CRYBG1: variants seen among roughly 807,000 people sequenced by gnomAD.
The protein encoded by CRYBG1 is beta/gamma crystallin domain-containing protein 1.
CRYBG1 carries 139 observed loss-of-function variants against 189.2 expected under a neutral mutation model. The ratio of observed to expected loss-of-function variants is 0.73; its 90% CI spans 0.64 to 0.85. CRYBG1 has a LOEUF of 0.85. Among genes scored for constraint, CRYBG1 ranks in the 40% least tolerant of loss-of-function variants. The pLI, the probability that CRYBG1 is intolerant of heterozygous loss-of-function variation, is 0.00. For missense variants in CRYBG1, 2,611 were observed against 2,675.8 expected, an observed-to-expected ratio of 0.98 and a Z score of 0.53; for synonymous variants, 1,023 against 1,017.1, an observed-to-expected ratio of 1.01 and a Z score of -0.11.
chr6:106,416,304 T>C (rs986504), intron 1 of CRYBG1, among the ~76,000 whole-genome samples: 98,658 of 152,102 alleles, frequency 0.65, 32,136 homozygotes, highest in South Asian at 0.77. Context: ...TTCTTGCAGG[T>C]ATTCCTAATT....
At chr6:106,433,043 G>A (rs549206402) in intron 1 of CRYBG1, among the ~76,000 whole-genome samples, 1 of 151,926 alleles carries the variant, frequency 6.6e-6, no homozygotes, top group African/African-American at 2.4e-5. Context: ...GTTTCACGAT[G>A]TTAGTCAGGC....
At chr6:106,445,374 A>G (rs1771647268) in intron 1 of CRYBG1, among the ~76,000 whole-genome samples, 1 of 152,206 alleles carries the variant, frequency 6.6e-6, no homozygotes, top group South Asian at 2.1e-4. Context: ...GACTTTGAAC[A>G]ATGAATATCT....
chr6:106,409,123 C>A (rs1045386465), intron 1 of CRYBG1, among the ~76,000 whole-genome samples: 1 of 152,114 alleles, frequency 6.6e-6, no homozygotes, highest in Non-Finnish European at 1.5e-5. Context: ...TTTAGAAAAC[C>A]CCATTGTCTC....
At chr6:106,551,708 T>TCC in intron 13 of CRYBG1, 144 bp from the exon 14 acceptor site, 2 of 884,236 alleles carry the variant, frequency 2.3e-6, no homozygotes, top group Non-Finnish European at 3.5e-6. Context: ...CATCTGCTTC[T>TCC]AAAGGTTAAT....
intron 8 of CRYBG1, among the ~76,000 whole-genome samples, chr6:106,532,611 G>A (rs1773902930): frequency 6.6e-6 from 1 of 152,226 alleles, no homozygotes; most frequent in African/African-American, 2.4e-5. Flanking sequence ...TAACTGGAGT[G>A]AGGTGGTATC....
chr6:106,555,793 T>A lies in CRYBG1; in HGVS notation c.5611T>A (p.Phe1871Ile). ...GSWVVYDGEN[F>I]TGNQYVLEEG... ...CTGGGTTGTATATGATGGAGAAAAT[T>A]TCACTGGTAATCAATACGTGTTGGA... The change falls in exon 17 of 22, where the codon TTC (phenylalanine) becomes ATC (isoleucine). Residue 1871 changes from phenylalanine (F) to isoleucine (I), a missense_variant. Phe to Ile is a conservative substitution (Grantham distance 21, BLOSUM62 0). Coordinates refer to ENST00000633556, the MANE Select transcript of CRYBG1 (RefSeq NM_001371242.2). The A allele has an allele frequency of 6.2e-7, 1 of 1,614,184 alleles. No individual in the cohort carries two copies.
At chr6:106,480,378 T>C (rs1160552126) in intron 2 of CRYBG1, among the ~76,000 whole-genome samples, 2 of 151,720 alleles carry the variant, frequency 1.3e-5, no homozygotes. Context: ...TTAAAAGAAA[T>C]TGTGGGCCGG....
intron 2 of CRYBG1, among the ~76,000 whole-genome samples, chr6:106,489,218 G>A (rs1772660915): frequency 6.6e-6 from 1 of 152,150 alleles, no homozygotes; most frequent in East Asian, 1.9e-4. Context: ...GTGATCCACA[G>A]GGGTTTTGTG....
chr6:106,536,158 A>G (rs1474206455), intron 8 of CRYBG1, among the ~76,000 whole-genome samples: 1 of 152,184 alleles, frequency 6.6e-6, no homozygotes, highest in Non-Finnish European at 1.5e-5. Flanking sequence ...GCTACTATTT[A>G]GCATGTTCTT....
chr6:106,395,715 C>T (rs1199390266), intron 1 of CRYBG1, among the ~76,000 whole-genome samples: 1 of 151,832 alleles, frequency 6.6e-6, no homozygotes, highest in East Asian at 1.9e-4. Context: ...TGAAGGAGTC[C>T]CATCTATTTG....
In CRYBG1 at chr6:106,451,002, G is replaced by A. The variant is rs184989324; in HGVS notation, c.174-692G>A. Reference sequence around the variant, plus strand: ...TGGACACCAGGGTTAGAGCAATCCCGACTGACTACTGGGGCTGGGAGCAGC... The same window carrying A: ...TGGACACCAGGGTTAGAGCAATCCCAACTGACTACTGGGGCTGGGAGCAGC... On this transcript the variant is annotated intron_variant, in intron 1 of 21. Transcript: ENST00000633556. 2.6e-4 allele frequency among the ~76,000 whole-genome samples: 39 copies of A among 152,300 alleles called. No homozygotes were observed. The East Asian group carries it at 4.6e-3, about 18-fold the overall frequency.
Position 106,548,982 on chromosome 6 carries a change from G to A in CRYBG1, c.5313-2870G>A, listed in dbSNP as rs1774334517. ...TTGTTCAATTCCCACCTATGAGTGA[G>A]AACATGCGGTGTTTGGTTTTTTGTC... On this transcript the variant is annotated intron_variant, in intron 13 of 21. Transcript: ENST00000633556. 2.7e-5 allele frequency among the ~76,000 whole-genome samples: 4 copies of A among 147,144 alleles called. No individual in the cohort carries two copies. The Admixed American group carries it at 2.8e-4, about 10-fold the overall frequency.
intron 2 of CRYBG1, among the ~76,000 whole-genome samples, chr6:106,504,547 A>G (rs766139584): frequency 2.6e-5 from 4 of 152,154 alleles, no homozygotes; most frequent in Non-Finnish European, 5.9e-5. Flanking sequence ...ATCATATATA[A>G]TAGAAAATAT....
In CRYBG1 at chr6:106,513,058, C is replaced by G; in HGVS notation, c.1922+19C>G. The G allele has an allele frequency of 6.3e-7, 1 of 1,589,766 alleles. No individual in the cohort carries two copies. On this transcript the variant is annotated intron_variant, in intron 3 of 21. Transcript: ENST00000633556. The stretch of plus-strand genomic sequence containing the variant: ...TGACCCTGTAAGTAGCCGCGCAAGT[C>G]CCGGCCGAGTTGCTGTCCGCACACG...
intron 2 of CRYBG1, among the ~76,000 whole-genome samples, chr6:106,472,129 T>C (rs1772244677): frequency 6.6e-6 from 1 of 152,238 alleles, no homozygotes. Context: ...TTCTGCTTTA[T>C]GTTTTTAATC....
chr6:106,526,154 T>C (rs1322184016), intron 6 of CRYBG1, among the ~76,000 whole-genome samples: 1 of 152,224 alleles, frequency 6.6e-6, no homozygotes, highest in African/African-American at 2.4e-5. Context: ...AGGGTAGACC[T>C]CTGAATGTTT....
At chr6:106,486,420 T>C (rs2114487243) in intron 2 of CRYBG1, among the ~76,000 whole-genome samples, 1 of 152,292 alleles carries the variant, frequency 6.6e-6, no homozygotes, top group Middle Eastern at 3.4e-3. Context: ...ATGTGTATTT[T>C]GCAGCTATTG....
At chr6:106,552,355 G>A (rs1018671781) in intron 15 of CRYBG1, 139 bp downstream of exon 15, 1 of 516,322 alleles carries the variant, frequency 1.9e-6, no homozygotes, top group African/African-American at 2.0e-5. Context: ...GGAGGTCAAG[G>A]CAGGTGGATC....
chr6:106,468,202 C>A (rs541779714), intron 2 of CRYBG1, among the ~76,000 whole-genome samples: 1 of 152,292 alleles, frequency 6.6e-6, no homozygotes, highest in South Asian at 2.1e-4. Context: ...CTGTCCAGCT[C>A]TTGACAGTTT....
Sources: gnomAD v4.1 joint callset for allele counts (sites outside exome capture counted in the v4.1 genomes callset) on GRCh38, gnomAD v4.1.1 for gene constraint, MANE v1.5 for transcripts, NCBI Gene and HGNC (gene_info 2026-07-23, HGNC 2026-07-21) for gene names.